Variants in EMC8 observed in about 807,000 individuals in gnomAD.
EMC8 encodes the protein COX4 neighbor.
Under a neutral mutation model 24.3 loss-of-function variants are expected in EMC8, and 11 were observed. That is an observed-to-expected ratio of 0.45 (90% CI 0.28 to 0.75). The LOEUF is 0.75. EMC8 is among the 30% of genes least tolerant of loss of function. The pLI, the probability that EMC8 is intolerant of heterozygous loss-of-function variation, is 0.12. For synonymous variants in EMC8, 145 were observed against 117.7 expected (o/e 1.23, Z -1.50); for missense variants, 277 against 282.7 (o/e 0.98, Z 0.14).
chr16:85,799,007 T>C lies in EMC8; in HGVS notation c.231+58A>G. On this transcript the variant is annotated intron_variant, in intron 1 of 4. Transcript: ENST00000253457. The surrounding 1 kb of genome is among the most constrained non-coding windows in gnomAD (Gnocchi z 4.2). The stretch of plus-strand genomic sequence containing the variant: ...GCGACCGCTGGGCCAGCTTCCTCTC[T>C]GCTGACTGAGGGGAGGCCAGGCTGC... 1 of 1,245,090 alleles carries C rather than the reference T, an allele frequency of 8.0e-7. No homozygotes were observed. Among genetic ancestry groups the C allele is most frequent in the South Asian group, 1.4e-5 (1 of 71,198 alleles). 77.1% of individuals were successfully genotyped at this position (1,245,090 alleles called of 1,614,324 possible). A position where few individuals can be genotyped will look rare whatever the true frequency, so the allele number is the denominator to read the frequency against.
intron 2 of EMC8, among the ~76,000 whole-genome samples, chr16:85,788,199 C>T (rs1320529822): frequency 6.6e-6 from 1 of 152,242 alleles, no homozygotes; most frequent in East Asian, 1.9e-4. Context: ...GGCCACCTCT[C>T]CCCTAATGGG....
At chr16:85,797,906 C>T (rs911514537) in intron 1 of EMC8, among the ~76,000 whole-genome samples, 19 of 152,184 alleles carry the variant, frequency 1.2e-4, no homozygotes, top group African/African-American at 3.9e-4. Flanking sequence ...CAGGTTTTAA[C>T]AACTCGATGG....
rs370008716 is a variant in EMC8 at position 85,790,661 on chromosome 16, G to C, written c.232-1611C>G. On this transcript the variant is annotated intron_variant, in intron 1 of 4. Transcript: ENST00000253457. ...GCTCCCAGCCTTCATGTGCCATCAT[G>C]GGCCGGCCTCCTGAGTGTGTCCTCC... Among the ~76,000 whole-genome samples the C allele has an allele frequency of 2.5e-3, 378 of 152,216 alleles. 4 individuals are homozygous for C. In the Middle Eastern group the frequency reaches 0.027, roughly 11 times the overall value.
chr16:85,788,077 G>A (rs1322721927), intron 2 of EMC8, among the ~76,000 whole-genome samples: 1 of 152,220 alleles, frequency 6.6e-6, no homozygotes, highest in Non-Finnish European at 1.5e-5. Context: ...CGTCAGGGCA[G>A]CCTGACGCAT....
At chr16:85,796,622 G>A (rs369989054) in intron 1 of EMC8, among the ~76,000 whole-genome samples, 8 of 152,104 alleles carry the variant, frequency 5.3e-5, no homozygotes, top group East Asian at 1.9e-4. Flanking sequence ...CTCTCTGCCC[G>A]CTGCCCCTTT....
intron 3 of EMC8, 48 bp downstream of exon 3, chr16:85,781,163 T>C: frequency 7.2e-7 from 1 of 1,386,214 alleles, no homozygotes; most frequent in Non-Finnish European, 1.0e-6. Flanking sequence ...TCCAGGTTGG[T>C]GAGAGGAGGC....
Position 85,799,052 on chromosome 16 carries a change from T to C in EMC8, c.231+13A>G. 1 of 1,522,198 alleles carries C rather than the reference T, an allele frequency of 6.6e-7. No individual in the cohort carries two copies. Among genetic ancestry groups the C allele is most frequent in the Non-Finnish European group, 8.9e-7 (1 of 1,124,314 alleles). 94.3% of individuals were successfully genotyped at this position (1,522,198 alleles called of 1,614,324 possible). ...GGCTGCCTGCAAGGGGAAGGGGCCCTTTCCGCGCTTACCAGGGTGAGAGCC... is the reference window on the plus strand; with the variant it reads ...GGCTGCCTGCAAGGGGAAGGGGCCCCTTCCGCGCTTACCAGGGTGAGAGCC... On this transcript the variant is annotated intron_variant, in intron 1 of 4. Transcript: ENST00000253457. The surrounding 1 kb of genome is among the most constrained non-coding windows in gnomAD (Gnocchi z 4.2).
chr16:85,782,556 T>C (rs1043995300), intron 2 of EMC8, among the ~76,000 whole-genome samples: 2 of 152,200 alleles, frequency 1.3e-5, no homozygotes, highest in East Asian at 1.9e-4. Context: ...AACAAAAGCA[T>C]TGAACCGGTT....
At chr16:85,798,275 C>T (rs1036952073) in intron 1 of EMC8, among the ~76,000 whole-genome samples, 1 of 151,956 alleles carries the variant, frequency 6.6e-6, no homozygotes, top group Non-Finnish European at 1.5e-5. Flanking sequence ...GCGCCCGCCA[C>T]CACGCCCGGC....
chr16:85,788,191 C>G (rs1904840877), intron 2 of EMC8, among the ~76,000 whole-genome samples: 1 of 152,252 alleles, frequency 6.6e-6, no homozygotes, highest in Non-Finnish European at 1.5e-5. Flanking sequence ...CTGCTCTGGG[C>G]CACCTCTCCC....
chr16:85,787,700 T>C (rs2254248), intron 2 of EMC8: 122,909 of 152,150 alleles, frequency 0.81, 50,062 homozygotes, highest in Non-Finnish European at 0.84. Flanking sequence ...GAAGAGCCAA[T>C]GTGCATGGGG....
chr16:85,784,330 G>A (rs1252152639), intron 2 of EMC8: 2 of 152,144 alleles, frequency 1.3e-5, no homozygotes, highest in East Asian at 3.8e-4. Context: ...AAAAATACAT[G>A]CATTATTGTG....
rs368341591 is a variant in EMC8, at chr16:85,779,690, A to T, written c.*18T>A. The T allele has an allele frequency of 2.5e-6, 4 of 1,612,136 alleles. No homozygotes were observed. The African/African-American group carries it at 4.0e-5, about 16-fold the overall frequency. On this transcript the variant is annotated 3_prime_UTR_variant, in exon 5 of 5. Transcript: ENST00000253457. ...AACGTAGTGGAAAGGCCCGGAGCCC[A>T]GTCACAGCGGTGCCTGCCTAGCACA...
rs1054424145 is a variant in EMC8, at chr16:85,780,627, G to T, written c.379-154C>A. ...TGTATGCAGAGTGGCGCGAGTGTCT[G>T]GCCTGAGGAAAACTGTTGTGTCATG... On this transcript the variant is annotated intron_variant, in intron 3 of 4. Transcript: ENST00000253457. 13 of 615,848 alleles carry T rather than the reference G, an allele frequency of 2.1e-5. No individual in the cohort carries two copies. In the East Asian group the frequency reaches 3.3e-4, roughly 16 times the overall value. The allele number at this position is 615,848 out of a possible 1,614,324, so 38.1% of individuals were successfully genotyped here.
chr16:85,797,850 C>A (rs1382047132), intron 1 of EMC8, among the ~76,000 whole-genome samples: 1 of 152,166 alleles, frequency 6.6e-6, no homozygotes, highest in Non-Finnish European at 1.5e-5. Context: ...ACAAACAGCA[C>A]CTCAGCTCAG....
intron 1 of EMC8, among the ~76,000 whole-genome samples, chr16:85,790,345 T>A (rs13338023): frequency 0.02 from 3,090 of 152,230 alleles, 109 homozygotes; most frequent in African/African-American, 0.07. Context: ...TCCTAAGAGT[T>A]CACGAATTAC....
In EMC8 at chr16:85,799,323, C is replaced by T; in HGVS notation, c.-28G>A. 6.6e-7 allele frequency: 1 copy of T among 1,524,132 alleles called. No individual in the cohort carries two copies. Among genetic ancestry groups the T allele is most frequent in the South Asian group, 1.2e-5 (1 of 86,760 alleles). 94.4% of individuals were successfully genotyped at this position (1,524,132 alleles called of 1,614,324 possible). A position where few individuals can be genotyped will look rare whatever the true frequency, so the allele number is the denominator to read the frequency against. ...TGACCCGGGAGGGCCCCGGAGGCCC[C>T]TGGGCGCGCGGCTGAGGCCTGGACC... On this transcript the variant is annotated 5_prime_UTR_variant, in exon 1 of 5. Transcript: ENST00000253457. The surrounding 1 kb of genome is among the most constrained non-coding windows in gnomAD (Gnocchi z 4.2).
chr16:85,792,523 C>T (rs1421147246), intron 1 of EMC8: 2 of 152,234 alleles, frequency 1.3e-5, no homozygotes, highest in Admixed American at 6.5e-5. Flanking sequence ...TCAGCACTCA[C>T]AGCGGCAGGG....
intron 2 of EMC8, among the ~76,000 whole-genome samples, chr16:85,786,495 G>T (rs146324891): frequency 6.6e-6 from 1 of 152,090 alleles, no homozygotes; most frequent in Non-Finnish European, 1.5e-5. Context: ...AAATGACCCC[G>T]ATAGAGCCCA....
Sources: allele counts gnomAD v4.1 joint callset (sites outside exome capture counted in the v4.1 genomes callset), GRCh38; gene constraint gnomAD v4.1.1; non-coding constraint Gnocchi (gnomAD v3.1); transcripts MANE v1.5; gene names NCBI Gene and HGNC (gene_info 2026-07-23, HGNC 2026-07-21).